NUCKS1: variants seen among roughly 807,000 people sequenced by gnomAD.
NUCKS1 encodes nuclear ubiquitous casein and cyclin-dependent kinase substrate 1.
In NUCKS1, 2 loss-of-function variants were observed where a neutral mutation model predicts 33.0. That is an observed-to-expected ratio of 0.06 (90% confidence interval 0.02 to 0.19). The LOEUF (loss-of-function observed/expected upper bound fraction) is 0.19, where lower values mean the gene tolerates loss of function less well. NUCKS1 is among the 10% of genes least tolerant of loss of function. NUCKS1 has a pLI of 1.00. For missense variants in NUCKS1, 201 were observed against 293.6 expected (o/e 0.68, Z 2.31); for synonymous variants, 106 against 102.8 (o/e 1.03, Z -0.19).
intron 1 of NUCKS1, among the ~76,000 whole-genome samples, chr1:205,734,788 G>C (rs1003243558): frequency 1.6e-4 from 25 of 152,012 alleles, no homozygotes; most frequent in Admixed American, 5.2e-4. Flanking sequence ...CCAGCTACTC[G>C]GGAGGCTGAG....
At position 205,749,997 on chromosome 1, in the gene NUCKS1, G is replaced by A. The variant is rs1402506227; in HGVS notation, c.-24C>T. On this transcript the variant is annotated 5_prime_UTR_variant, in exon 1 of 7. Transcript: ENST00000367142. ...ATGTTCGCTGTCGAAACAGGACCGA[G>A]TCGAGAAGCCAAAGACCAGGACCCC... is the stretch of plus-strand genomic sequence containing the variant. The A allele has an allele frequency of 3.8e-6, 6 of 1,596,826 alleles. No homozygotes were observed. Among genetic ancestry groups the A allele is most frequent in the Admixed American group, 1.7e-5 (1 of 59,262 alleles).
intron 3 of NUCKS1, among the ~76,000 whole-genome samples, chr1:205,725,248 C>T (rs12409290): frequency 6.6e-5 from 10 of 152,182 alleles, no homozygotes; most frequent in Non-Finnish European, 1.2e-4. Context: ...TTCTTCAATG[C>T]TACAATTTTA....
At chr1:205,738,154 T>C (rs1250350723) in intron 1 of NUCKS1, among the ~76,000 whole-genome samples, 1 of 152,122 alleles carries the variant, frequency 6.6e-6, no homozygotes, top group Non-Finnish European at 1.5e-5. Flanking sequence ...GCCTCCCCAA[T>C]AGCTGAGATT....
At chr1:205,719,770 AT>A (rs1226240841) in intron 5 of NUCKS1, 94 bp from the exon 6 acceptor site, 19 of 1,367,690 alleles carry the variant, frequency 1.4e-5, no homozygotes, top group African/African-American at 5.8e-5. Flanking sequence ...AGAGGATGGG[AT>A]TTGGGAGTCA....
chr1:205,721,621 C>T (rs1388417654), intron 4 of NUCKS1, among the ~76,000 whole-genome samples: 1 of 152,082 alleles, frequency 6.6e-6, no homozygotes, highest in Non-Finnish European at 1.5e-5. Flanking sequence ...CAAACTGTTA[C>T]CCTTTACAAT....
chr1:205,721,818 G>C (rs556657447), intron 4 of NUCKS1, among the ~76,000 whole-genome samples: 2 of 151,978 alleles, frequency 1.3e-5, no homozygotes, highest in East Asian at 3.9e-4. Flanking sequence ...GGGATTACAG[G>C]TGCGCACCAC....
Position 205,716,171 on chromosome 1 carries a change from C to T in NUCKS1, c.*2109G>A, listed in dbSNP as rs956768299. ...ACCTCTAAAATATGTGCATATATCA[C>T]AGAGATGTTAGTGCAGATTAATATA... On this transcript the variant is annotated 3_prime_UTR_variant, in exon 7 of 7. Coordinates refer to ENST00000367142, the MANE Select transcript of NUCKS1 (RefSeq NM_022731.5). The T allele has an allele frequency of 1.3e-5, 2 of 152,274 alleles. No individual in the cohort carries two copies. The highest frequency in any genetic ancestry group is 3.9e-4 in the East Asian group (2 of 5,190). 9.4% of individuals were successfully genotyped at this position (152,274 alleles called of 1,614,324 possible).
In NUCKS1 at chr1:205,736,466, C is replaced by A. The variant is rs1201186239; in HGVS notation, c.18-6845G>T. ...CAACCTTTAGCTTGTATCCTGTTAA[C>A]AAATATCCCTAGAAGAGAATGACTG... On this transcript the variant is annotated intron_variant, in intron 1 of 6. Coordinates refer to ENST00000367142, the MANE Select transcript of NUCKS1 (RefSeq NM_022731.5). 2.7e-4 allele frequency among the ~76,000 whole-genome samples: 41 copies of A among 152,014 alleles called. 1 individual carries two copies. The highest frequency in any genetic ancestry group is 2.4e-3 in the Admixed American group (36 of 15,246).
At chr1:205,728,186 A>G (rs1653823733) in intron 2 of NUCKS1, among the ~76,000 whole-genome samples, 1 of 152,200 alleles carries the variant, frequency 6.6e-6, no homozygotes, top group African/African-American at 2.4e-5. Context: ...CTTTTAAACT[A>G]AAGCATTAAA....
chr1:205,722,512 C>T (rs1209323905), intron 4 of NUCKS1, among the ~76,000 whole-genome samples: 1 of 152,230 alleles, frequency 6.6e-6, no homozygotes, highest in African/African-American at 2.4e-5. Context: ...CTGCCTTGGC[C>T]TCCCAAAGTG....
Position 205,719,680 on chromosome 1 carries a change from A to G in NUCKS1, c.383-4T>C. ...TCTTCATCGCTGCCGGAATCTTCTG[A>G]GAAGAAAGAAGAATTTCAACATCTA... On this transcript the variant is annotated splice_polypyrimidine_tract_variant and splice_region_variant and intron_variant, in intron 5 of 6. Transcript: ENST00000367142. 1.9e-6 allele frequency: 3 copies of G among 1,603,656 alleles called. No homozygotes were observed. Among genetic ancestry groups the G allele is most frequent in the Non-Finnish European group, 2.5e-6 (3 of 1,177,346 alleles).
At chr1:205,731,616 G>A (rs1458087443) in intron 1 of NUCKS1, among the ~76,000 whole-genome samples, 2 of 152,192 alleles carry the variant, frequency 1.3e-5, no homozygotes, top group African/African-American at 2.4e-5. Flanking sequence ...AATAGGCCAG[G>A]CGCAGTGGCT....
rs750061406 is a variant in NUCKS1 at position 205,720,550 on chromosome 1, C to T, written c.333G>A (p.Val111=). ...SKQREMLMED[V]GSEEEQEEED... ...CCTCTTCTTGTTCTTCCTCACTGCC[C>T]ACATCTTCCATGAGCATCTCTCTCT... Residue 111 remains valine (V), a synonymous_variant, in exon 5 of 7, where the codon GTG becomes GTA. Transcript: ENST00000367142. 1 of 1,614,138 alleles carries T rather than the reference C, an allele frequency of 6.2e-7. No homozygotes were observed. The highest frequency in any genetic ancestry group is 8.5e-7 in the Non-Finnish European group (1 of 1,180,022).
At chr1:205,742,610 G>C (rs1031114800) in intron 1 of NUCKS1, among the ~76,000 whole-genome samples, 2 of 152,184 alleles carry the variant, frequency 1.3e-5, no homozygotes, top group Non-Finnish European at 2.9e-5. Flanking sequence ...GGATCACAAG[G>C]TCAGGGGATC....
Position 205,750,014 on chromosome 1 carries a change from C to CCGGGCGGGGGGGGGGGGGGGGGGG in NUCKS1, c.-42_-41insCCCCCCCCCCCCCCCCCCCGCCCG. On this transcript the variant is annotated 5_prime_UTR_variant, in exon 1 of 7. Coordinates refer to ENST00000367142, the MANE Select transcript of NUCKS1 (RefSeq NM_022731.5). ...AGGACCGAGTCGAGAAGCCAAAGAC[C>CCGGGCGGGGGGGGGGGGGGGGGGG]AGGACCCCCCCCACCCCGCGCGCTC... 6.4e-7 allele frequency: 1 copy of CCGGGCGGGGGGGGGGGGGGGGGGG among 1,568,958 alleles called. No individual in the cohort carries two copies. Among genetic ancestry groups the CCGGGCGGGGGGGGGGGGGGGGGGG allele is most frequent in the Non-Finnish European group, 8.7e-7 (1 of 1,154,226 alleles).
chr1:205,744,629 A>ATTTTTTTT (rs1558056731), intron 1 of NUCKS1, among the ~76,000 whole-genome samples: 5 of 18,400 alleles, frequency 2.7e-4, no homozygotes, highest in African/African-American at 9.4e-4. Flanking sequence ...AGTTCACTAG[A>ATTTTTTTT]GTTTTTTTTT....
chr1:205,728,142 G>A (rs1243143965), intron 2 of NUCKS1, among the ~76,000 whole-genome samples: 1 of 151,892 alleles, frequency 6.6e-6, no homozygotes, highest in East Asian at 1.9e-4. Flanking sequence ...AACATTTTAG[G>A]AAGTAAACAC....
intron 1 of NUCKS1, among the ~76,000 whole-genome samples, chr1:205,744,531 G>T (rs1654263536): frequency 6.7e-6 from 1 of 148,918 alleles, no homozygotes; most frequent in Admixed American, 6.7e-5. Flanking sequence ...AAAAAGTTCT[G>T]AAAATTAAGT....
At chr1:205,722,260 CTTGT>C (rs1425038956) in intron 4 of NUCKS1, among the ~76,000 whole-genome samples, 1 of 151,368 alleles carries the variant, frequency 6.6e-6, no homozygotes, top group African/African-American at 2.4e-5. Context: ...TTGTTGTTTG[CTTGT>C]TTGTTTTTTG....
Sources: gnomAD v4.1 joint callset for allele counts (sites outside exome capture counted in the v4.1 genomes callset) on GRCh38, gnomAD v4.1.1 for gene constraint, MANE v1.5 for transcripts, NCBI Gene and HGNC (gene_info 2026-07-23, HGNC 2026-07-21) for gene names.